Variants in PTPRO observed in about 807,000 individuals in gnomAD.
The protein encoded by PTPRO is protein tyrosine phosphatase receptor type O, also known as receptor-type tyrosine-protein phosphatase O.
Under a neutral mutation model 145.2 loss-of-function variants are expected in PTPRO, and 62 were observed. That is an observed-to-expected ratio of 0.43 (90% CI 0.35 to 0.53). The LOEUF (loss-of-function observed/expected upper bound fraction) is 0.53, where lower values mean the gene tolerates loss of function less well. Ranked by LOEUF, PTPRO falls within the 20% of genes least tolerant of loss-of-function variation. PTPRO has a pLI of 0.01. For missense variants in PTPRO, 1,345 were observed against 1,482.7 expected (o/e 0.91, Z 1.53); for synonymous variants, 565 against 514.7 (o/e 1.10, Z -1.32).
chr12:15,461,458 A>G (rs1022634228), intron 1 of PTPRO, among the ~76,000 whole-genome samples: 11 of 152,220 alleles, frequency 7.2e-5, no homozygotes, highest in Middle Eastern at 3.4e-3. Flanking sequence ...CATTTGGCTC[A>G]GAATAAATCT....
intron 12 of PTPRO, among the ~76,000 whole-genome samples, chr12:15,536,283 T>A (rs1943063721): frequency 1.3e-5 from 2 of 152,072 alleles, no homozygotes; most frequent in African/African-American, 4.8e-5. Context: ...CTGTGGGGGA[T>A]GGGTGCAATT....
At chr12:15,516,709 C>G in intron 8 of PTPRO, 54 bp from the exon 9 acceptor site, 1 of 1,492,006 alleles carries the variant, frequency 6.7e-7, no homozygotes, top group Non-Finnish European at 9.3e-7. Flanking sequence ...GAGGCCATTG[C>G]TAAGACATTC....
intron 1 of PTPRO, among the ~76,000 whole-genome samples, chr12:15,446,001 T>C (rs1296043394): frequency 3.9e-5 from 6 of 152,184 alleles, no homozygotes; most frequent in African/African-American, 7.2e-5. Flanking sequence ...ATTTGTAGCA[T>C]ATTGATTAAA....
intron 15 of PTPRO, among the ~76,000 whole-genome samples, chr12:15,555,231 A>C (rs1943588517): frequency 6.6e-6 from 1 of 151,518 alleles, no homozygotes; most frequent in African/African-American, 2.4e-5. Context: ...ACTGAGTGAA[A>C]CTCCGTCTCA....
At chr12:15,510,984 T>C (rs7294893) in intron 7 of PTPRO, among the ~76,000 whole-genome samples, 80,164 of 139,346 alleles carry the variant, frequency 0.58, 23,959 homozygotes, top group Non-Finnish European at 0.66. Flanking sequence ...CTGGGTAACA[T>C]AGTGAAACTC....
chr12:15,406,287 A>G (rs1338815721), intron 1 of PTPRO, among the ~76,000 whole-genome samples: 1 of 152,216 alleles, frequency 6.6e-6, no homozygotes, highest in East Asian at 1.9e-4. Context: ...AATAAATTGC[A>G]TAACACATGT....
intron 7 of PTPRO, among the ~76,000 whole-genome samples, chr12:15,512,811 T>A (rs957779408): frequency 6.6e-6 from 1 of 151,948 alleles, no homozygotes; most frequent in Non-Finnish European, 1.5e-5. Context: ...CTGACCAACA[T>A]AATGAAACCC....
chr12:15,535,945 G>A (rs909704624), intron 12 of PTPRO, among the ~76,000 whole-genome samples: 1 of 152,050 alleles, frequency 6.6e-6, no homozygotes, highest in African/African-American at 2.4e-5. Context: ...GGGATAGTAG[G>A]CTTTTTCTCT....
intron 1 of PTPRO, among the ~76,000 whole-genome samples, chr12:15,329,367 T>C (rs1866542733): frequency 6.6e-6 from 1 of 152,242 alleles, no homozygotes; most frequent in African/African-American, 2.4e-5. Flanking sequence ...TTCGGTCCTA[T>C]CTGAAGCCTG....
At chr12:15,576,817 AG>A (rs1944195932) in intron 19 of PTPRO, among the ~76,000 whole-genome samples, 1 of 152,228 alleles carries the variant, frequency 6.6e-6, no homozygotes, top group African/African-American at 2.4e-5. Context: ...TACCCTTCCA[AG>A]AACATACAGT....
chr12:15,462,584 A>G (rs1247408957), intron 1 of PTPRO, among the ~76,000 whole-genome samples: 2 of 152,208 alleles, frequency 1.3e-5, no homozygotes. Context: ...CGTGCTCACA[A>G]TCATGTTCTT....
chr12:15,548,273 C>T (rs1237043709), intron 13 of PTPRO, among the ~76,000 whole-genome samples: 1 of 152,010 alleles, frequency 6.6e-6, no homozygotes, highest in Non-Finnish European at 1.5e-5. Context: ...TCAGAGTTTG[C>T]AAATGTATGG....
In PTPRO at chr12:15,408,954, T is replaced by C. The variant is rs533904905; in HGVS notation, c.76-75020T>C. 5.2e-4 allele frequency among the ~76,000 whole-genome samples: 79 copies of C among 152,330 alleles called. 1 individual carries two copies. Among genetic ancestry groups the C allele is most frequent in the African/African-American group, 1.8e-3 (74 of 41,568 alleles). ...AATAAATAATGCCACTTTGTATCTC[T>C]AGTACTTAACAGAGTGCCTACTGAC... On this transcript the variant is annotated intron_variant, in intron 1 of 26. Transcript: ENST00000281171.
At chr12:15,504,301 T>C (rs1942277871) in intron 6 of PTPRO, among the ~76,000 whole-genome samples, 1 of 152,142 alleles carries the variant, frequency 6.6e-6, no homozygotes, top group Non-Finnish European at 1.5e-5. Flanking sequence ...TTTACTATTG[T>C]GATAATTGAA....
intron 18 of PTPRO, 110 bp from the exon 19 acceptor site, chr12:15,569,307 T>C (rs1943981667): frequency 9.5e-7 from 1 of 1,054,480 alleles, no homozygotes; most frequent in Non-Finnish European, 1.4e-6. Context: ...CTTAGAGAAG[T>C]AAAACTTCTA....
chr12:15,469,891 C>G (rs1941501528), intron 1 of PTPRO, among the ~76,000 whole-genome samples: 1 of 151,902 alleles, frequency 6.6e-6, no homozygotes. Context: ...TCCTAAATAT[C>G]GGATCCTTGG....
intron 18 of PTPRO, among the ~76,000 whole-genome samples, chr12:15,566,375 T>G (rs190952655): frequency 2.0e-5 from 3 of 152,298 alleles, no homozygotes; most frequent in South Asian, 4.1e-4. Context: ...AAAGAAATCA[T>G]GAGTAATCCA....
chr12:15,395,984 GT>G (rs555138847), intron 1 of PTPRO, among the ~76,000 whole-genome samples: 6 of 152,260 alleles, frequency 3.9e-5, no homozygotes, highest in African/African-American at 1.4e-4. Flanking sequence ...ATGAAAGTAG[GT>G]GTCTAATTTC....
At chr12:15,349,587 G>C (rs1195914389) in intron 1 of PTPRO, among the ~76,000 whole-genome samples, 4 of 152,142 alleles carry the variant, frequency 2.6e-5, no homozygotes, top group Non-Finnish European at 5.9e-5. Flanking sequence ...ATTCCATTTA[G>C]TCTCTGTTAG....
Sources: allele counts gnomAD v4.1 joint callset (sites outside exome capture counted in the v4.1 genomes callset), GRCh38; gene constraint gnomAD v4.1.1; transcripts MANE v1.5; gene names NCBI Gene and HGNC (gene_info 2026-07-23, HGNC 2026-07-21).